The following SNAP91 variants were observed in gnomAD, a reference collection of about 807,000 sequenced individuals.
SNAP91 encodes synaptosome associated protein 91, also known as clathrin coat assembly protein AP180.
Under a neutral mutation model 100.3 loss-of-function variants are expected in SNAP91, and 27 were observed. That is an observed-to-expected ratio of 0.27 (90% CI 0.20 to 0.37). SNAP91 has a LOEUF of 0.37. SNAP91 is among the 10% of genes least tolerant of loss of function. SNAP91 has a pLI of 1.00. For synonymous variants in SNAP91, 404 were observed against 398.6 expected, an observed-to-expected ratio of 1.01 and a Z score of -0.16; for missense variants, 986 against 1,123.7, an observed-to-expected ratio of 0.88 and a Z score of 1.75.
intron 7 of SNAP91, among the ~76,000 whole-genome samples, chr6:83,648,802 G>A (rs1026891282): frequency 2.0e-5 from 3 of 151,976 alleles, no homozygotes; most frequent in Non-Finnish European, 4.4e-5. Flanking sequence ...TATAAAAATC[G>A]AGTTGTCTTC....
intron 2 of SNAP91, among the ~76,000 whole-genome samples, chr6:83,673,083 G>A (rs1173055677): frequency 6.6e-6 from 1 of 152,074 alleles, no homozygotes; most frequent in Non-Finnish European, 1.5e-5. Flanking sequence ...CATAATAATA[G>A]CTCAGAATAT....
At chr6:83,703,610 C>G (rs1018719324) in intron 2 of SNAP91, among the ~76,000 whole-genome samples, 1 of 152,146 alleles carries the variant, frequency 6.6e-6, no homozygotes, top group African/African-American at 2.4e-5. Context: ...GTACATGTCT[C>G]CTACTACCTT....
intron 9 of SNAP91, among the ~76,000 whole-genome samples, chr6:83,618,874 C>G (rs1044244833): frequency 2.0e-5 from 3 of 151,710 alleles, no homozygotes; most frequent in African/African-American, 7.3e-5. Flanking sequence ...ATTTTTTTGG[C>G]TAAACCTAAG....
intron 7 of SNAP91, among the ~76,000 whole-genome samples, chr6:83,654,939 T>C (rs1213801702): frequency 6.6e-6 from 1 of 152,222 alleles, no homozygotes; most frequent in African/African-American, 2.4e-5. Context: ...GAAGTAGTTT[T>C]CTGTCATCTA....
intron 4 of SNAP91, among the ~76,000 whole-genome samples, chr6:83,662,141 G>A (rs561527980): frequency 7.2e-5 from 11 of 152,070 alleles, no homozygotes; most frequent in South Asian, 2.1e-4. Flanking sequence ...TAAGGTAAAC[G>A]TGGTAAAAAC....
chr6:83,685,174 G>A (rs1472717416), intron 2 of SNAP91, among the ~76,000 whole-genome samples: 1 of 152,192 alleles, frequency 6.6e-6, no homozygotes, highest in Non-Finnish European at 1.5e-5. Context: ...TATACCCCAT[G>A]TTAACACAGT....
intron 3 of SNAP91, 50 bp from the exon 4 acceptor site, chr6:83,662,472 A>AACC (rs1562558991): frequency 6.4e-6 from 5 of 776,606 alleles, no homozygotes; most frequent in Non-Finnish European, 9.6e-6. Flanking sequence ...TCATACTTTT[A>AACC]AACAATTTCT....
At chr6:83,575,830 T>G (rs780040743) in intron 25 of SNAP91, among the ~76,000 whole-genome samples, 193 bp downstream of exon 25, 21 of 152,212 alleles carry the variant, frequency 1.4e-4, no homozygotes, top group Non-Finnish European at 2.9e-4. Flanking sequence ...TCCTTTTCAT[T>G]GCAAAGCAAC....
intron 25 of SNAP91, 90 bp downstream of exon 25, chr6:83,575,933 A>C: frequency 4.3e-6 from 3 of 692,732 alleles, no homozygotes; most frequent in Non-Finnish European, 7.3e-6. Flanking sequence ...ATGAGAATGA[A>C]TAATTACTCC....
rs887028331 is a variant in SNAP91 at position 83,559,129 on chromosome 6, A to C, written c.2631+975T>G. On this transcript the variant is annotated intron_variant, in intron 28 of 29. Transcript: ENST00000369694. ...TTATTCAAGGTGGGCTCTGGGAACA[A>C]CACCTGACAGTTTATGCTAACAAGG... is the stretch of plus-strand genomic sequence containing the variant. 3.9e-5 allele frequency among the ~76,000 whole-genome samples: 6 copies of C among 152,206 alleles called. No homozygotes were observed. In the East Asian group the frequency reaches 1.2e-3, roughly 29 times the overall value.
At chr6:83,645,385 A>C (rs2097875074) in intron 7 of SNAP91, among the ~76,000 whole-genome samples, 1 of 152,128 alleles carries the variant, frequency 6.6e-6, no homozygotes, top group South Asian at 2.1e-4. Flanking sequence ...ACCTCTGAAA[A>C]GAGTGCCATA....
rs1826680905 is a variant in SNAP91 at position 83,580,573 on chromosome 6, T to A, written c.2176A>T (p.Met726Leu). The A allele has an allele frequency of 1.2e-6, 2 of 1,612,688 alleles. No homozygotes were observed. Among genetic ancestry groups the A allele is most frequent in the Admixed American group, 1.7e-5 (1 of 59,812 alleles). ...TGCCCAGCTGGTGCCATGGTTGGCA[T>A]CAAAAGATCACCTAGACCATCAAAC... Reference protein sequence around the residue: ...SVFDGLGDLLMPTMAPAGQPA... With the variant: ...SVFDGLGDLLLPTMAPAGQPA... Residue 726 changes from methionine (M) to leucine (L), a missense_variant, in exon 24 of 30, where the codon ATG (methionine) becomes TTG (leucine). By Grantham distance (15) the Met-to-Leu change is conservative. Transcript: ENST00000369694.
At position 83,683,461 on chromosome 6, in the gene SNAP91, T is replaced by C. The variant is rs1200952783; in HGVS notation, c.131-17880A>G. 2.6e-5 allele frequency among the ~76,000 whole-genome samples: 4 copies of C among 152,044 alleles called. No individual in the cohort carries two copies. The East Asian group carries it at 7.7e-4, about 29-fold the overall frequency. On this transcript the variant is annotated intron_variant, in intron 2 of 29. Transcript: ENST00000369694. ...CTCTATTAGTTAATGGGAGATCTGA[T>C]TGTTAAAAAGAGCCTGGCATCTCCT... is the stretch of plus-strand genomic sequence containing the variant.
intron 9 of SNAP91, among the ~76,000 whole-genome samples, chr6:83,622,738 C>T (rs2096779841): frequency 6.6e-6 from 1 of 151,894 alleles, no homozygotes; most frequent in Non-Finnish European, 1.5e-5. Context: ...ATACAGAAGC[C>T]CCTCTATTGT....
chr6:83,594,555 T>G (rs1489235037), intron 16 of SNAP91, 74 bp from the exon 17 acceptor site: 1 of 941,774 alleles, frequency 1.1e-6, no homozygotes, highest in African/African-American at 1.7e-5. Context: ...AGAACCAAGT[T>G]AAATTGTGAA....
chr6:83,664,393 T>G (rs539221754), intron 3 of SNAP91, among the ~76,000 whole-genome samples: 1 of 149,894 alleles, frequency 6.7e-6, no homozygotes, highest in African/African-American at 2.4e-5. Flanking sequence ...TTAAAAACAT[T>G]TGTGATTCAT....
chr6:83,682,705 GTATATC>G (rs1286064846), intron 2 of SNAP91, among the ~76,000 whole-genome samples: 2 of 151,606 alleles, frequency 1.3e-5, no homozygotes, highest in African/African-American at 2.4e-5. Flanking sequence ...TTAGCATTAG[GTATATC>G]TCCTAATGGT....
chr6:83,670,904 TA>T (rs2098773425), intron 2 of SNAP91, among the ~76,000 whole-genome samples: 1 of 152,020 alleles, frequency 6.6e-6, no homozygotes, highest in Non-Finnish European at 1.5e-5. Context: ...TTGATTACTA[TA>T]AATTTATCAT....
At chr6:83,673,301 C>T (rs971934161) in intron 2 of SNAP91, among the ~76,000 whole-genome samples, 2 of 151,970 alleles carry the variant, frequency 1.3e-5, no homozygotes, top group African/African-American at 4.8e-5. Flanking sequence ...AGAGTAGAGG[C>T]CTCATGAATG....
Sources: gnomAD v4.1 joint callset for allele counts (sites outside exome capture counted in the v4.1 genomes callset) on GRCh38, gnomAD v4.1.1 for gene constraint, MANE v1.5 for transcripts, NCBI Gene and HGNC (gene_info 2026-07-23, HGNC 2026-07-21) for gene names.